Variants in ARNT observed in about 807,000 individuals in gnomAD.
The protein encoded by ARNT is class E basic helix-loop-helix protein 2.
ARNT carries 30 observed loss-of-function variants against 105.0 expected under a neutral mutation model. The observed-to-expected ratio is 0.29, with a 90% CI of 0.21 to 0.39. The LOEUF (loss-of-function observed/expected upper bound fraction) is 0.39. Among genes scored for constraint, ARNT ranks in the 10% least tolerant of loss-of-function variants. ARNT has a pLI of 1.00. For synonymous variants in ARNT, 304 were observed against 344.0 expected, an observed-to-expected ratio of 0.88 and a Z score of 1.29; for missense variants, 748 against 978.7, an observed-to-expected ratio of 0.76 and a Z score of 3.15.
intron 1 of ARNT, among the ~76,000 whole-genome samples, chr1:150,873,707 A>G (rs1667821606): frequency 6.6e-6 from 1 of 152,020 alleles, no homozygotes; most frequent in African/African-American, 2.4e-5. Flanking sequence ...TTGCTTGAGG[A>G]CAGGAGTTCA....
At chr1:150,815,189 A>T (rs1483171531) in intron 19 of ARNT, among the ~76,000 whole-genome samples, 1 of 152,090 alleles carries the variant, frequency 6.6e-6, no homozygotes, top group African/African-American at 2.4e-5. Flanking sequence ...ATATATAGTA[A>T]TATTAAAGAA....
In ARNT at chr1:150,813,390, G is replaced by C. The variant is rs769870604; in HGVS notation, c.2114-52C>G. ...CAACTCCAATCTACACAATTCCATT[G>C]TGTACTAATGCCACAAGTAAACAAC... On this transcript the variant is annotated intron_variant, in intron 20 of 21. Transcript: ENST00000358595. 10 of 1,518,418 alleles carry C rather than the reference G, an allele frequency of 6.6e-6. No homozygotes were observed. In the Admixed American group the frequency reaches 2.1e-4, roughly 32 times the overall value. 94.1% of individuals were successfully genotyped at this position (1,518,418 alleles called of 1,614,324 possible). A position where few individuals can be genotyped will look rare whatever the true frequency, so the allele number is the denominator to read the frequency against.
At chr1:150,840,945 C>CTTTTTTTT (rs777444553) in intron 5 of ARNT, among the ~76,000 whole-genome samples, 19 of 103,726 alleles carry the variant, frequency 1.8e-4, no homozygotes, top group Admixed American at 3.6e-4. Flanking sequence ...CTCTCTTCTT[C>CTTTTTTTT]TTTTTTTTTT....
At chr1:150,876,180 G>C (rs1001551352) in intron 1 of ARNT, among the ~76,000 whole-genome samples, 1 of 152,252 alleles carries the variant, frequency 6.6e-6, no homozygotes, top group South Asian at 2.1e-4. Flanking sequence ...TCTGCCTACA[G>C]TTTTCGGCAT....
chr1:150,849,854 C>T lies in ARNT; in HGVS notation c.182+2908G>A, dbSNP rs370998493. 2.0e-5 allele frequency among the ~76,000 whole-genome samples: 3 copies of T among 152,260 alleles called. 1 individual carries two copies. ...CTGAGGCAGGTGGACCACTTAAGGC[C>T]AAGAGTTCAAGACCAGTCTGGCTAA... On this transcript the variant is annotated intron_variant, in intron 3 of 21. Coordinates refer to ENST00000358595, the MANE Select transcript of ARNT (RefSeq NM_001668.4).
In ARNT at chr1:150,823,216, T is replaced by A. The variant is rs775324499; in HGVS notation, c.1372A>T (p.Ile458Phe). Residue 458 changes from isoleucine (I) to phenylalanine (F), a missense_variant, in exon 14 of 22, where the codon ATC becomes TTC. Ile to Phe is a conservative substitution (Grantham distance 21). Coordinates refer to ENST00000358595, the MANE Select transcript of ARNT (RefSeq NM_001668.4). ...TACTTCACATTGGTGTTGGTACAGA[T>A]GATGTACTCAATTTCATCTGAGTAA... is the stretch of plus-strand genomic sequence containing the variant. The part of the protein sequence containing the change: ...NPYSDEIEYI[I>F]CTNTNVKNSS... 1 of 1,612,588 alleles carries A rather than the reference T, an allele frequency of 6.2e-7. No homozygotes were observed. The highest frequency in any genetic ancestry group is 8.5e-7 in the Non-Finnish European group (1 of 1,179,078).
chr1:150,851,112 G>T (rs1277163728), intron 3 of ARNT, among the ~76,000 whole-genome samples: 1 of 151,486 alleles, frequency 6.6e-6, no homozygotes, highest in Non-Finnish European at 1.5e-5. Context: ...CGGGAAGTGA[G>T]GAGCATCTCC....
At chr1:150,829,536 A>G in intron 11 of ARNT, 1 of 596,894 alleles carries the variant, frequency 1.7e-6, no homozygotes, top group Non-Finnish European at 3.1e-6. Context: ...GTAACCAAGA[A>G]ACTTATCTAT....
intron 14 of ARNT, among the ~76,000 whole-genome samples, chr1:150,822,420 G>C (rs1035318673): frequency 6.6e-6 from 1 of 152,054 alleles, no homozygotes; most frequent in Admixed American, 6.6e-5. Context: ...GGTACCTAAG[G>C]TTAAGTTGAT....
At chr1:150,875,517 T>C (rs1275838427) in intron 1 of ARNT, among the ~76,000 whole-genome samples, 1 of 152,168 alleles carries the variant, frequency 6.6e-6, no homozygotes, top group African/African-American at 2.4e-5. Flanking sequence ...CACACATATC[T>C]CAAGGCCCTT....
intron 7 of ARNT, among the ~76,000 whole-genome samples, chr1:150,835,045 T>C (rs780782146): frequency 2.6e-4 from 40 of 151,796 alleles, no homozygotes; most frequent in Admixed American, 6.6e-5. Flanking sequence ...GGAGGACTGC[T>C]TGAGGGCAGG....
intron 14 of ARNT, among the ~76,000 whole-genome samples, chr1:150,818,641 C>T (rs1313783076): frequency 6.6e-6 from 1 of 151,998 alleles, no homozygotes; most frequent in East Asian, 1.9e-4. Flanking sequence ...GTCCCAGATA[C>T]TCAGGAGACA....
intron 1 of ARNT, among the ~76,000 whole-genome samples, chr1:150,874,369 A>C (rs1263271098): frequency 6.6e-6 from 1 of 152,220 alleles, no homozygotes; most frequent in African/African-American, 2.4e-5. Context: ...TCAATAAGTC[A>C]GAAGAGATGG....
chr1:150,850,474 G>C (rs1571389874), intron 3 of ARNT, among the ~76,000 whole-genome samples: 1 of 152,374 alleles, frequency 6.6e-6, no homozygotes, highest in African/African-American at 2.4e-5. Flanking sequence ...GGTGGAGACG[G>C]GGTTTCGCTG....
intron 4 of ARNT, among the ~76,000 whole-genome samples, chr1:150,843,171 C>T (rs1661575628): frequency 6.6e-6 from 1 of 152,178 alleles, no homozygotes; most frequent in Non-Finnish European, 1.5e-5. Flanking sequence ...TTTGCCATTT[C>T]TCTGCAGTAT....
At chr1:150,826,655 T>G (rs1159287461) in intron 12 of ARNT, 38 bp from the exon 13 acceptor site, 1 of 1,505,532 alleles carries the variant, frequency 6.6e-7, no homozygotes, top group African/African-American at 1.4e-5. Flanking sequence ...TATACTTTTT[T>G]TTTTTTAAGA....
At chr1:150,840,919 C>T (rs1255024195) in intron 5 of ARNT, among the ~76,000 whole-genome samples, 1 of 149,896 alleles carries the variant, frequency 6.7e-6, no homozygotes, top group Non-Finnish European at 1.5e-5. Flanking sequence ...TGCTTCTACT[C>T]AAATATTTGC....
At chr1:150,851,674 G>A (rs892958095) in intron 3 of ARNT, among the ~76,000 whole-genome samples, 19 of 152,132 alleles carry the variant, frequency 1.2e-4, no homozygotes, top group African/African-American at 4.6e-4. Context: ...CGCATTAAGA[G>A]TCATCACCAC....
intron 4 of ARNT, among the ~76,000 whole-genome samples, chr1:150,844,031 A>T (rs1207889791): frequency 6.6e-6 from 1 of 152,190 alleles, no homozygotes; most frequent in Non-Finnish European, 1.5e-5. Context: ...AACCAAAATC[A>T]TTCATGCGAT....
Sources: gnomAD v4.1 joint callset for allele counts (sites outside exome capture counted in the v4.1 genomes callset) on GRCh38, gnomAD v4.1.1 for gene constraint, MANE v1.5 for transcripts, NCBI Gene and HGNC (gene_info 2026-07-23, HGNC 2026-07-21) for gene names.